Variants in EYA1 observed in about 807,000 individuals in gnomAD.
EYA1 encodes the protein EYA transcriptional coactivator and phosphatase 1, also known as protein phosphatase EYA1.
Under a neutral mutation model 82.0 loss-of-function variants are expected in EYA1, and 16 were observed. The ratio of observed to expected loss-of-function variants is 0.20; its 90% CI spans 0.13 to 0.30. The LOEUF is 0.30. Ranked by LOEUF, EYA1 falls within the 10% of genes least tolerant of loss-of-function variation. The pLI, the probability that EYA1 is intolerant of heterozygous loss-of-function variation, is 1.00. For synonymous variants in EYA1, 261 were observed against 264.4 expected (o/e 0.99, Z 0.12); for missense variants, 633 against 730.7 (o/e 0.87, Z 1.54).
chr8:71,407,340 G>A (rs1270772439), intron 2 of EYA1, among the ~76,000 whole-genome samples: 1 of 128,314 alleles, frequency 7.8e-6, no homozygotes, highest in Non-Finnish European at 1.6e-5. Context: ...AAGGAACGCA[G>A]TTCCTCACCA....
intron 7 of EYA1, among the ~76,000 whole-genome samples, chr8:71,316,696 G>T (rs1273622646): frequency 6.6e-6 from 1 of 152,038 alleles, no homozygotes; most frequent in African/African-American, 2.4e-5. Flanking sequence ...ACTATAAAAA[G>T]AACCCCTTCA....
chr8:71,294,258 G>A (rs1337448915), intron 9 of EYA1, among the ~76,000 whole-genome samples: 1 of 152,102 alleles, frequency 6.6e-6, no homozygotes, highest in Non-Finnish European at 1.5e-5. Flanking sequence ...AGGAGATCGA[G>A]ACCATCCTGG....
At chr8:71,493,580 A>G (rs1011404427) in intron 2 of EYA1, among the ~76,000 whole-genome samples, 1 of 152,198 alleles carries the variant, frequency 6.6e-6, no homozygotes, top group Non-Finnish European at 1.5e-5. Context: ...CTCCTTATTC[A>G]ATACCACCTG....
intron 9 of EYA1, among the ~76,000 whole-genome samples, chr8:71,281,734 G>C (rs188021292): frequency 6.6e-6 from 1 of 152,336 alleles, no homozygotes; most frequent in Admixed American, 6.5e-5. Flanking sequence ...CTGCAACTTG[G>C]TTCAGTAGTC....
chr8:71,454,989 A>T (rs1460199351), intron 2 of EYA1, among the ~76,000 whole-genome samples: 1 of 152,220 alleles, frequency 6.6e-6, no homozygotes, highest in Admixed American at 6.5e-5. Context: ...TGAAAAGATC[A>T]ACAAAATTGA....
chr8:71,239,188 T>A (rs1337133852), intron 12 of EYA1, among the ~76,000 whole-genome samples: 1 of 152,200 alleles, frequency 6.6e-6, no homozygotes, highest in Non-Finnish European at 1.5e-5. Flanking sequence ...TTAGTTACAA[T>A]GCAGCTAAAC....
chr8:71,535,777 T>C (rs1314654012), exon 2 of EYA1: 3 of 1,515,622 alleles, frequency 2.0e-6, no homozygotes, highest in Admixed American at 2.1e-5. Context: ...GGTCTTCCAT[T>C]GAAGACTTCT....
At chr8:71,270,219 T>C (rs917466932) in intron 10 of EYA1, 5 of 173,362 alleles carry the variant, frequency 2.9e-5, no homozygotes. Context: ...TCTCTGTTCA[T>C]TGAGAAGCAC....
intron 12 of EYA1, among the ~76,000 whole-genome samples, chr8:71,239,207 C>T (rs1451343805): frequency 2.6e-5 from 4 of 152,130 alleles, no homozygotes; most frequent in Non-Finnish European, 5.9e-5. Flanking sequence ...ACTCAATACG[C>T]ATTTATTATG....
intron 2 of EYA1, among the ~76,000 whole-genome samples, chr8:71,437,262 G>A (rs1422456262): frequency 6.6e-6 from 1 of 151,326 alleles, no homozygotes; most frequent in African/African-American, 2.4e-5. Flanking sequence ...TTCGTTCTTG[G>A]CACAATTTTT....
At chr8:71,256,452 C>T (rs550141504) in intron 11 of EYA1, among the ~76,000 whole-genome samples, 2 of 152,040 alleles carry the variant, frequency 1.3e-5, no homozygotes, top group East Asian at 1.9e-4. Context: ...CAGCCAGTCA[C>T]AAAAAGTGAA....
chr8:71,250,634 G>T (rs577599299), intron 11 of EYA1, among the ~76,000 whole-genome samples: 1 of 152,264 alleles, frequency 6.6e-6, no homozygotes, highest in South Asian at 2.1e-4. Context: ...AAACATAGTG[G>T]GAGGCTCTGT....
chr8:71,291,793 A>G (rs1819025648), intron 9 of EYA1, among the ~76,000 whole-genome samples: 1 of 152,128 alleles, frequency 6.6e-6, no homozygotes, highest in African/African-American at 2.4e-5. Flanking sequence ...CATTTTCCTT[A>G]TCTGTAAAAT....
chr8:71,334,944 T>G (rs1280429722), intron 3 of EYA1, among the ~76,000 whole-genome samples: 2 of 152,222 alleles, frequency 1.3e-5, no homozygotes, highest in Non-Finnish European at 2.9e-5. Flanking sequence ...CCTGATATGG[T>G]GACAGTGTTA....
intron 16 of EYA1, among the ~76,000 whole-genome samples, chr8:71,211,919 T>G (rs752149403): frequency 6.6e-6 from 1 of 152,186 alleles, no homozygotes; most frequent in Admixed American, 6.5e-5. Flanking sequence ...TAATGTTCAA[T>G]GAAGCACTTT....
chr8:71,497,169 T>TG (rs1159526636), intron 2 of EYA1, among the ~76,000 whole-genome samples: 7 of 152,202 alleles, frequency 4.6e-5, no homozygotes, highest in African/African-American at 1.7e-4. Context: ...AGAATCATCT[T>TG]GGGCCATACA....
At chr8:71,430,312 C>T (rs975914481) in intron 2 of EYA1, among the ~76,000 whole-genome samples, 1 of 152,082 alleles carries the variant, frequency 6.6e-6, no homozygotes, top group Non-Finnish European at 1.5e-5. Context: ...GTTACAGTTG[C>T]AGAAGACTTA....
chr8:71,485,046 G>T (rs1331364745), intron 2 of EYA1, among the ~76,000 whole-genome samples: 1 of 152,322 alleles, frequency 6.6e-6, no homozygotes, highest in South Asian at 2.1e-4. Flanking sequence ...AGAGTCCAAG[G>T]ACAAAAACTC....
chr8:71,236,707 A>G (rs548937823), intron 12 of EYA1, among the ~76,000 whole-genome samples: 1 of 152,194 alleles, frequency 6.6e-6, no homozygotes, highest in Non-Finnish European at 1.5e-5. Flanking sequence ...CCTCCATAAA[A>G]TTAAGATATT....
Sources: allele counts gnomAD v4.1 joint callset (sites outside exome capture counted in the v4.1 genomes callset), GRCh38; gene constraint gnomAD v4.1.1; transcripts MANE v1.5; gene names NCBI Gene and HGNC (gene_info 2026-07-23, HGNC 2026-07-21).